RANBP2: variants seen among roughly 807,000 people sequenced by gnomAD.
The protein encoded by RANBP2 is E3 SUMO-protein ligase RanBP2.
Under a neutral mutation model 303.6 loss-of-function variants are expected in RANBP2, and 57 were observed. The ratio of observed to expected loss-of-function variants is 0.19; its 90% CI spans 0.15 to 0.23. The LOEUF (loss-of-function observed/expected upper bound fraction) is 0.23. Among genes scored for constraint, RANBP2 ranks in the 10% least tolerant of loss-of-function variants. The probability of loss-of-function intolerance (pLI) is 1.00; values close to 1 mark genes in which losing one functional copy is unlikely to be tolerated. For missense variants in RANBP2, 3,138 were observed against 3,780.8 expected (o/e 0.83, Z 4.46); for synonymous variants, 1,167 against 1,301.5 (o/e 0.90, Z 2.23).
At chr2:109,450,982 C>T in the RANBP2 span, among the ~76,000 whole-genome samples, 534 of 152,370 alleles carry the variant, frequency 3.5e-3, 19 homozygotes, top group East Asian at 0.061. Context: ...AGCGCTGACT[C>T]GGCGGGCTCT....
At chr2:109,580,277 T>C in the RANBP2 span, among the ~76,000 whole-genome samples, 1 of 142,086 alleles carries the variant, frequency 7.0e-6, no homozygotes, top group East Asian at 2.1e-4. Context: ...AATTTGCCAA[T>C]AAAAAAATCA....
the RANBP2 span, among the ~76,000 whole-genome samples, chr2:108,792,265 G>A: frequency 2.0e-5 from 3 of 152,110 alleles, no homozygotes; most frequent in East Asian, 1.9e-4. Context: ...TAATACTGGT[G>A]CTGGTATTAT....
At chr2:109,620,087 C>A in the RANBP2 span, among the ~76,000 whole-genome samples, 1 of 152,210 alleles carries the variant, frequency 6.6e-6, no homozygotes, top group Non-Finnish European at 1.5e-5. Flanking sequence ...TATTTTTCCA[C>A]ATCGATGCAT....
chr2:109,479,799 G>A, the RANBP2 span, among the ~76,000 whole-genome samples: 5 of 152,106 alleles, frequency 3.3e-5, no homozygotes, highest in Admixed American at 6.5e-5. Context: ...TACGGGTTTC[G>A]CAGACCCCCA....
chr2:109,153,674 A>C, the RANBP2 span, among the ~76,000 whole-genome samples: 26 of 152,300 alleles, frequency 1.7e-4, no homozygotes, highest in African/African-American at 6.0e-4. Flanking sequence ...TTTCTGACAC[A>C]CTGGGAATGA....
At chr2:109,506,398 A>G in the RANBP2 span, among the ~76,000 whole-genome samples, 1 of 152,214 alleles carries the variant, frequency 6.6e-6, no homozygotes, top group African/African-American at 2.4e-5. Flanking sequence ...TGCAAAGACA[A>G]CACACAGGTG....
chr2:109,067,490 C>G, the RANBP2 span, among the ~76,000 whole-genome samples: 6 of 152,198 alleles, frequency 3.9e-5, no homozygotes, highest in African/African-American at 1.2e-4. Flanking sequence ...CCCAGGGTCT[C>G]GGGAGTTCTC....
chr2:109,311,966 C>T, the RANBP2 span, among the ~76,000 whole-genome samples: 6 of 152,130 alleles, frequency 3.9e-5, no homozygotes, highest in Admixed American at 3.3e-4. Context: ...TTCCATGAGT[C>T]GTGGCTGTGT....
At chr2:109,226,721 G>A in the RANBP2 span, among the ~76,000 whole-genome samples, 1 of 152,134 alleles carries the variant, frequency 6.6e-6, no homozygotes, top group African/African-American at 2.4e-5. Flanking sequence ...GGATCTCCAC[G>A]CAGAAGGCGT....
Position 108,777,196 on chromosome 2 carries a change from C to G in RANBP2, c.8564C>G (p.Ser2855Cys), listed in dbSNP as rs189959842. The change falls in exon 25 of 29, where the codon TCC (serine) becomes TGC (cysteine). Residue 2855 changes from serine to cysteine, a missense_variant. This residue lies in a region of RANBP2 where 497 missense variants were observed against 465.8 expected (regional missense o/e 1.07). Transcript: ENST00000283195. ...GGGCTCTCATTTGCAGACTTGGCTT[C>G]CAGTAATTCTGGAGATTTTGCTTTT... ...STGLSFADLA[S>C]SNSGDFAFGS... 2 of 1,613,504 alleles carry G rather than the reference C, an allele frequency of 1.2e-6. No homozygotes were observed. Among genetic ancestry groups the G allele is most frequent in the Admixed American group, 1.7e-5 (1 of 60,018 alleles).
chr2:109,105,991 C>T, the RANBP2 span, among the ~76,000 whole-genome samples: 8 of 151,304 alleles, frequency 5.3e-5, no homozygotes, highest in Non-Finnish European at 1.2e-4. Flanking sequence ...GTAGCTGGGA[C>T]TACAAGCACG....
the RANBP2 span, chr2:109,129,153 C>T: frequency 5.5e-5 from 23 of 415,666 alleles, no homozygotes; most frequent in Admixed American, 6.6e-4. Context: ...TGGCCGGCCG[C>T]TGCCCGCACT....
chr2:109,605,489 A>G, the RANBP2 span: 1 of 152,148 alleles, frequency 6.6e-6, no homozygotes, highest in African/African-American at 2.4e-5. Context: ...ATAATAAATA[A>G]ATAAATAAAT....
chr2:109,213,491 TGCAGGGAGCC>T, the RANBP2 span, among the ~76,000 whole-genome samples: 1 of 152,172 alleles, frequency 6.6e-6, no homozygotes, highest in African/African-American at 2.4e-5. Flanking sequence ...CCCCAGGATC[TGCAGGGAGCC>T]TGGAGAAGGG....
At chr2:109,251,429 A>G in the RANBP2 span, 2 of 710,884 alleles carry the variant, frequency 2.8e-6, no homozygotes, top group East Asian at 2.8e-5. Context: ...ACCATGAGCA[A>G]AGCTCACCCT....
At chr2:109,688,782 A>G in the RANBP2 span, among the ~76,000 whole-genome samples, 8 of 97,504 alleles carry the variant, frequency 8.2e-5, no homozygotes, top group African/African-American at 1.4e-4. Flanking sequence ...CTGTCTCAAT[A>G]AAAAAAAAAA....
the RANBP2 span, among the ~76,000 whole-genome samples, chr2:108,898,095 A>G: frequency 6.6e-6 from 1 of 152,204 alleles, no homozygotes; most frequent in Non-Finnish European, 1.5e-5. Context: ...CAGCCTAGCA[A>G]GCATAAAACA....
chr2:108,791,704 AT>A, the RANBP2 span: 1 of 1,607,442 alleles, frequency 6.2e-7, no homozygotes, highest in Non-Finnish European at 8.5e-7. Flanking sequence ...TCTTTCCATG[AT>A]TTGAAGAAAC....
the RANBP2 span, among the ~76,000 whole-genome samples, chr2:109,237,960 C>T: frequency 6.6e-6 from 1 of 152,162 alleles, no homozygotes. Flanking sequence ...TATGACCACG[C>T]AATGGCTCAT....
Sources: gnomAD v4.1 joint callset for allele counts (sites outside exome capture counted in the v4.1 genomes callset) on GRCh38, gnomAD v4.1.1 for gene constraint, gnomAD v4.1.1 regional missense constraint, MANE v1.5 for transcripts, NCBI Gene and HGNC (gene_info 2026-07-23, HGNC 2026-07-21) for gene names.